The following CLEC7A variants were observed in gnomAD, a reference collection of about 807,000 sequenced individuals.
CLEC7A encodes C-type lectin domain containing 7A, also known as C-type lectin domain family 7 member A.
CLEC7A carries 25 observed loss-of-function variants against 26.9 expected under a neutral mutation model. The ratio of observed to expected loss-of-function variants is 0.93; its 90% confidence interval spans 0.68 to 1.30. CLEC7A has a LOEUF of 1.30. Among genes scored for constraint, CLEC7A ranks in the 50% most tolerant of loss-of-function variants. CLEC7A has a pLI of 0.00. For missense variants in CLEC7A, 275 were observed against 286.7 expected (o/e 0.96, Z 0.29); for synonymous variants, 100 against 99.5 (o/e 1.01, Z -0.03).
In CLEC7A at chr12:10,126,193, G is replaced by A. The variant is rs558984885; in HGVS notation, c.340+378C>T. ...CTCCCTGTCATTCTTCCTTTCTAAT[G>A]TCATATTTCCTATTCTAACTGTATC... is the stretch of plus-strand genomic sequence containing the variant. On this transcript the variant is annotated intron_variant, in intron 3 of 5. Transcript: ENST00000304084. The A allele has an allele frequency of 3.3e-4, 325 of 984,168 alleles. 1 individual carries two copies. In the African/African-American group the frequency reaches 5.5e-3, roughly 17 times the overall value. The allele number at this position is 984,168 out of a possible 1,614,324, so 61.0% of individuals were successfully genotyped here. A position where few individuals can be genotyped will look rare whatever the true frequency, so the allele number is the denominator to read the frequency against.
chr12:10,126,466 A>T, intron 3 of CLEC7A, 105 bp downstream of exon 3: 2 of 1,461,204 alleles, frequency 1.4e-6, no homozygotes, highest in Non-Finnish European at 1.8e-6. Context: ...CCTTAAATTT[A>T]CAATCATTGA....
At chr12:10,121,692 T>G (rs1345152913) in intron 5 of CLEC7A, among the ~76,000 whole-genome samples, 1 of 152,246 alleles carries the variant, frequency 6.6e-6, no homozygotes, top group African/African-American at 2.4e-5. Flanking sequence ...ATTATAGCCT[T>G]AAGTCTACAT....
At position 10,117,840 on chromosome 12, in the gene CLEC7A, T is replaced by C. The variant is rs1488318762; in HGVS notation, c.*618A>G. The C allele has an allele frequency of 6.6e-6, 1 of 152,528 alleles. No individual in the cohort carries two copies. Among genetic ancestry groups the C allele is most frequent in the East Asian group, 1.9e-4 (1 of 5,208 alleles). The allele number at this position is 152,528 out of a possible 1,614,324, so 9.4% of individuals were successfully genotyped here. On this transcript the variant is annotated 3_prime_UTR_variant, in exon 6 of 6. Coordinates refer to ENST00000304084, the MANE Select transcript of CLEC7A (RefSeq NM_197947.3). ...ATTGTTGAGCATGAAACAACTCTGA[T>C]AGAGCCAGAAATTAAGATTCGCTTA...
In CLEC7A at chr12:10,123,318, A is replaced by G. The variant is rs1221428821; in HGVS notation, c.538T>C (p.Trp180Arg). Residue 180 changes from tryptophan (W) to arginine (R), a missense_variant, in exon 5 of 6, where the codon TGG becomes CGG. Transcript: ENST00000304084. ...GTCTGGGGCCGAGAAAGGCCTATCC[A>G]AAATGAATTATCAGGTTGGGAAGAC... ...QVSSQPDNSF[W>R]IGLSRPQTEV... is the part of the protein sequence containing the mutation. The G allele has an allele frequency of 2.5e-6, 4 of 1,613,424 alleles. No individual in the cohort carries two copies. The highest frequency in any genetic ancestry group is 1.7e-5 in the Admixed American group (1 of 60,026).
chr12:10,118,588 A>G lies in CLEC7A; in HGVS notation c.614T>C (p.Phe205Ser), dbSNP rs1449095501. ...EDGSTFSSNLFQIRTTATQEN... is the reference protein window; with the variant it reads ...EDGSTFSSNLSQIRTTATQEN... ...TTGGGTAGCTGTGGTTCTGATCTGAAATCTGTTAAAATAGAATACAGTGAG... is the reference window on the plus strand; with the variant it reads ...TTGGGTAGCTGTGGTTCTGATCTGAGATCTGTTAAAATAGAATACAGTGAG... The change falls in exon 6 of 6, where the codon TTT becomes TCT. Residue 205 changes from phenylalanine to serine, a missense_variant and splice_region_variant. Transcript: ENST00000304084. 2 of 1,611,998 alleles carry G rather than the reference A, an allele frequency of 1.2e-6. No homozygotes were observed. Among genetic ancestry groups the G allele is most frequent in the Admixed American group, 1.7e-5 (1 of 59,514 alleles).
At chr12:10,128,334 T>A (rs11053622) in intron 1 of CLEC7A, among the ~76,000 whole-genome samples, 31 of 152,054 alleles carry the variant, frequency 2.0e-4, no homozygotes. Context: ...TAGGATTTGC[T>A]GTGCTTCTCC....
At chr12:10,123,414 A>AG in intron 4 of CLEC7A, 51 bp from the exon 5 acceptor site, 1 of 976,168 alleles carries the variant, frequency 1.0e-6, no homozygotes, top group Non-Finnish European at 1.6e-6. Context: ...GAGAGAGAGA[A>AG]AGAAACTATT....
intron 4 of CLEC7A, 89 bp from the exon 5 acceptor site, chr12:10,123,452 GATTGA>G (rs1948165403): frequency 1.1e-6 from 1 of 875,534 alleles, no homozygotes; most frequent in East Asian, 2.6e-5. Context: ...AAAGACAACT[GATTGA>G]ATCACTTTGG....
intron 5 of CLEC7A, among the ~76,000 whole-genome samples, chr12:10,119,234 A>G (rs1948002937): frequency 6.6e-6 from 1 of 152,244 alleles, no homozygotes; most frequent in Non-Finnish European, 1.5e-5. Flanking sequence ...ACTGACCGTC[A>G]GTGCAAAAGC....
At chr12:10,127,298 A>C (rs1300581780) in intron 2 of CLEC7A, 5 of 1,496,480 alleles carry the variant, frequency 3.3e-6, no homozygotes, top group Admixed American at 4.1e-5. Context: ...TAATTTCCTT[A>C]AATAATGTGA....
intron 2 of CLEC7A, chr12:10,127,120 T>G (rs1215192346): frequency 8.2e-7 from 1 of 1,217,078 alleles, no homozygotes; most frequent in Non-Finnish European, 1.1e-6. Flanking sequence ...AATAAACATT[T>G]GACTAATTAA....
chr12:10,127,957 G>A, intron 1 of CLEC7A, 112 bp from the exon 2 acceptor site: 1 of 700,094 alleles, frequency 1.4e-6, no homozygotes, highest in Non-Finnish European at 2.4e-6. Flanking sequence ...GCTCACACCT[G>A]TAATCCCAGA....
At position 10,118,530 on chromosome 12, in the gene CLEC7A, G is replaced by A. The variant is rs771913423; in HGVS notation, c.672C>T (p.His224=). ...ACAGTTGGTCATAAATGACTGACAC[G>A]TGAATCCATACACAATTTGGAGATG... The part of the protein sequence containing the change: ...ENPSPNCVWI[H]VSVIYDQLCS... The change falls in exon 6 of 6, where the codon CAC becomes CAT. Residue 224 remains histidine, a synonymous_variant. Transcript: ENST00000304084. 2.0e-5 allele frequency: 32 copies of A among 1,612,484 alleles called. No individual in the cohort carries two copies. Among genetic ancestry groups the A allele is most frequent in the Admixed American group, 6.7e-5 (4 of 59,990 alleles).
chr12:10,129,563 A>G (rs565361352), intron 1 of CLEC7A, among the ~76,000 whole-genome samples: 5 of 152,214 alleles, frequency 3.3e-5, no homozygotes, highest in Non-Finnish European at 7.3e-5. Context: ...CCATAAAAAT[A>G]TACACATCAC....
At chr12:10,127,184 A>G in intron 2 of CLEC7A, 1 of 1,080,082 alleles carries the variant, frequency 9.3e-7, no homozygotes, top group Non-Finnish European at 1.3e-6. Context: ...CATGTGATAT[A>G]AAATGTAAAA....
At chr12:10,125,042 CA>C in intron 4 of CLEC7A, 7 of 459,124 alleles carry the variant, frequency 1.5e-5, no homozygotes, top group South Asian at 4.5e-5. Context: ...ATGAAAAATA[CA>C]AAAAAACATT....
At position 10,126,664 on chromosome 12, in the gene CLEC7A, A is replaced by G. The variant is rs1489131053; in HGVS notation, c.247T>C (p.Tyr83His). The change falls in exon 3 of 6, where the codon TAC (tyrosine) becomes CAC (histidine). Residue 83 changes from tyrosine (Y) to histidine (H), a missense_variant. Physicochemically the swap from Tyr to His is moderately conservative, Grantham distance 83. Coordinates refer to ENST00000304084, the MANE Select transcript of CLEC7A (RefSeq NM_197947.3). Reference protein sequence around the residue: ...NSGSNTLENGYFLSRNKENHS... With the variant: ...NSGSNTLENGHFLSRNKENHS... ...TTCTCTTTATTTCTTGATAGAAAGT[A>G]GCCATTCTCCAATGTGTTGCTTCCT... The G allele has an allele frequency of 1.2e-6, 2 of 1,613,028 alleles. No homozygotes were observed. The highest frequency in any genetic ancestry group is 3.3e-5 in the Admixed American group (2 of 59,758).
rs1419118078 is a variant in CLEC7A at position 10,117,921 on chromosome 12, G to A, written c.*537C>T. On this transcript the variant is annotated 3_prime_UTR_variant, in exon 6 of 6. Coordinates refer to ENST00000304084, the MANE Select transcript of CLEC7A (RefSeq NM_197947.3). Reference sequence around the variant, plus strand: ...GGCAGAATGAAAATTCAAGCTTGGGGCCAGGTGTGGTGGCTCACATCTGTA... The same window carrying A: ...GGCAGAATGAAAATTCAAGCTTGGGACCAGGTGTGGTGGCTCACATCTGTA... 1 of 152,636 alleles carries A rather than the reference G, an allele frequency of 6.6e-6. No individual in the cohort carries two copies. The highest frequency in any genetic ancestry group is 6.5e-5 in the Admixed American group (1 of 15,268). 9.5% of individuals were successfully genotyped at this position (152,636 alleles called of 1,614,324 possible). A position where few individuals can be genotyped will look rare whatever the true frequency, so the allele number is the denominator to read the frequency against.
intron 4 of CLEC7A, chr12:10,124,849 A>G (rs1948218376): frequency 6.3e-6 from 1 of 159,344 alleles, no homozygotes; most frequent in South Asian, 1.6e-4. Flanking sequence ...ATAAAAGCAT[A>G]TACTATGCAC....
Sources: gnomAD v4.1 joint callset for allele counts (sites outside exome capture counted in the v4.1 genomes callset) on GRCh38, gnomAD v4.1.1 for gene constraint, MANE v1.5 for transcripts, NCBI Gene and HGNC (gene_info 2026-07-23, HGNC 2026-07-21) for gene names.